The following RNF111 variants were observed in gnomAD, a reference collection of about 807,000 sequenced individuals.
RNF111 encodes E3 ubiquitin-protein ligase Arkadia.
RNF111 carries 17 observed loss-of-function variants against 95.1 expected under a neutral mutation model. That is an observed-to-expected ratio of 0.18 (90% CI 0.12 to 0.27). The LOEUF (loss-of-function observed/expected upper bound fraction) is 0.27. Among genes scored for constraint, RNF111 ranks in the 10% least tolerant of loss-of-function variants. The pLI, the probability that RNF111 is intolerant of heterozygous loss-of-function variation, is 1.00. For synonymous variants in RNF111, 440 were observed against 414.8 expected (o/e 1.06, Z -0.74); for missense variants, 1,189 against 1,210.4 (o/e 0.98, Z 0.26).
intron 12 of RNF111, among the ~76,000 whole-genome samples, chr15:59,091,693 C>T (rs1317752589): frequency 3.3e-5 from 5 of 152,180 alleles, no homozygotes; most frequent in Non-Finnish European, 7.3e-5. Flanking sequence ...AAATACGTGT[C>T]TTAAACCATG....
intron 1 of RNF111, among the ~76,000 whole-genome samples, chr15:59,022,648 T>C (rs1381984746): frequency 3.3e-5 from 5 of 152,208 alleles, no homozygotes; most frequent in Admixed American, 2.6e-4. Context: ...AGTGAACGTC[T>C]TTGGGTTTAG....
intron 2 of RNF111, among the ~76,000 whole-genome samples, chr15:59,042,406 G>A (rs2041509729): frequency 6.6e-6 from 1 of 152,138 alleles, no homozygotes; most frequent in Non-Finnish European, 1.5e-5. Context: ...GATTATAGGC[G>A]TGAGCCACTA....
intron 6 of RNF111, 54 bp from the exon 7 acceptor site, chr15:59,075,900 A>C: frequency 2.5e-6 from 4 of 1,568,686 alleles, no homozygotes; most frequent in South Asian, 2.3e-5. Flanking sequence ...ATAATATAAC[A>C]TGAAATATTT....
At chr15:59,042,527 A>G (rs1431017047) in intron 2 of RNF111, among the ~76,000 whole-genome samples, 1 of 152,202 alleles carries the variant, frequency 6.6e-6, no homozygotes, top group Non-Finnish European at 1.5e-5. Flanking sequence ...AGTTCTAGCA[A>G]AATTAGCCCA....
intron 7 of RNF111, among the ~76,000 whole-genome samples, chr15:59,078,505 A>G (rs137968526): frequency 3.5e-3 from 526 of 149,718 alleles, no homozygotes; most frequent in Middle Eastern, 7.0e-3. Flanking sequence ...CACACCTGTG[A>G]ACAATCCTTG....
At chr15:59,082,454 CAG>C (rs2078772897) in intron 8 of RNF111, among the ~76,000 whole-genome samples, 1 of 152,180 alleles carries the variant, frequency 6.6e-6, no homozygotes, top group African/African-American at 2.4e-5. Context: ...CAGTGAATGA[CAG>C]TGAAAATATT....
chr15:59,013,557 G>A (rs899453227), intron 1 of RNF111, among the ~76,000 whole-genome samples: 1 of 152,168 alleles, frequency 6.6e-6, no homozygotes, highest in African/African-American at 2.4e-5. Context: ...TGTATCAGGA[G>A]TACATGGTGT....
intron 2 of RNF111, among the ~76,000 whole-genome samples, chr15:59,048,639 A>C (rs1475584304): frequency 6.6e-6 from 1 of 152,216 alleles, no homozygotes; most frequent in Non-Finnish European, 1.5e-5. Flanking sequence ...ATTATTTGTA[A>C]ACTGTTGGGT....
chr15:59,080,054 T>G (rs1449452160), intron 7 of RNF111, among the ~76,000 whole-genome samples: 1 of 151,720 alleles, frequency 6.6e-6, no homozygotes, highest in East Asian at 1.9e-4. Context: ...TTTCTCAGAT[T>G]GGCATTTATT....
chr15:59,088,328 T>A (rs984569797), intron 10 of RNF111, among the ~76,000 whole-genome samples: 2 of 152,096 alleles, frequency 1.3e-5, no homozygotes, highest in Non-Finnish European at 2.9e-5. Context: ...AAGTGAAGAT[T>A]TAGATAATTT....
chr15:59,072,035 CAT>C (rs1226338987), intron 6 of RNF111, among the ~76,000 whole-genome samples: 1 of 152,132 alleles, frequency 6.6e-6, no homozygotes, highest in Non-Finnish European at 1.5e-5. Context: ...CCTTATTGTA[CAT>C]GTTTCAGTTT....
At chr15:59,087,287 A>G (rs148524858) in intron 10 of RNF111, among the ~76,000 whole-genome samples, 77 of 152,344 alleles carry the variant, frequency 5.1e-4, no homozygotes, top group African/African-American at 1.8e-3. Flanking sequence ...AAATGATAAT[A>G]CTATGCTTTG....
chr15:59,084,346 G>C, intron 9 of RNF111, 92 bp downstream of exon 9: 1 of 1,261,520 alleles, frequency 7.9e-7, no homozygotes, highest in Non-Finnish European at 1.0e-6. Flanking sequence ...TTTGCAGAAG[G>C]ATGATGTGGA....
At chr15:59,038,527 T>C (rs1329179800) in intron 2 of RNF111, among the ~76,000 whole-genome samples, 2 of 152,218 alleles carry the variant, frequency 1.3e-5, no homozygotes, top group Non-Finnish European at 2.9e-5. Flanking sequence ...TGGGAACTTT[T>C]AGACTTACAC....
intron 11 of RNF111, among the ~76,000 whole-genome samples, chr15:59,090,423 T>C (rs772613385): frequency 6.6e-6 from 1 of 152,174 alleles, no homozygotes. Context: ...AGAGATAGTG[T>C]TTTGCCATGT....
At chr15:59,033,234 T>C (rs4774320) in intron 2 of RNF111, among the ~76,000 whole-genome samples, 50,006 of 152,096 alleles carry the variant, frequency 0.33, 8,342 homozygotes, top group Admixed American at 0.42. Context: ...TACTTTTGGA[T>C]GTGCCATTTC....
chr15:59,091,035 A>G (rs1309089221), intron 11 of RNF111, 24 bp from the exon 12 acceptor site: 1 of 1,403,434 alleles, frequency 7.1e-7, no homozygotes. Flanking sequence ...GGCTTTTACC[A>G]GTCATTATAT....
intron 1 of RNF111, among the ~76,000 whole-genome samples, chr15:59,028,467 G>C (rs917739090): frequency 6.6e-6 from 1 of 151,982 alleles, no homozygotes; most frequent in Admixed American, 6.5e-5. Context: ...CAATAAAGTA[G>C]CAAAATTCTA....
intron 1 of RNF111, among the ~76,000 whole-genome samples, chr15:58,998,875 A>T (rs777811402): frequency 2.0e-5 from 3 of 152,220 alleles, no homozygotes; most frequent in Non-Finnish European, 4.4e-5. Context: ...GAGGTGCGTA[A>T]CTTGGTGAAA....
Sources: allele counts gnomAD v4.1 joint callset (sites outside exome capture counted in the v4.1 genomes callset), GRCh38; gene constraint gnomAD v4.1.1; transcripts MANE v1.5; gene names NCBI Gene and HGNC (gene_info 2026-07-23, HGNC 2026-07-21).